Variants in NTM observed in about 807,000 individuals in gnomAD.
The protein encoded by NTM is neurotrimin.
In NTM, 13 loss-of-function variants were observed where a neutral mutation model predicts 42.1. The ratio of observed to expected loss-of-function variants is 0.31; its 90% CI spans 0.20 to 0.49. The LOEUF (loss-of-function observed/expected upper bound fraction) is 0.49, where lower values mean the gene tolerates loss of function less well. NTM is among the 20% of genes least tolerant of loss of function. The probability of loss-of-function intolerance (pLI) is 0.99; values close to 1 mark genes in which losing one functional copy is unlikely to be tolerated. For synonymous variants in NTM, 187 were observed against 179.2 expected (o/e 1.04, Z -0.35); for missense variants, 373 against 452.8 (o/e 0.82, Z 1.60).
intron 7 of NTM, among the ~76,000 whole-genome samples, chr11:132,316,665 C>A (rs1234710246): frequency 6.6e-6 from 1 of 152,120 alleles, no homozygotes; most frequent in Admixed American, 6.6e-5. Context: ...TTGTTAGCTT[C>A]AGTTGAGAGA....
intron 1 of NTM, among the ~76,000 whole-genome samples, chr11:131,758,074 G>A (rs1013144849): frequency 2.0e-5 from 3 of 152,194 alleles, no homozygotes; most frequent in Admixed American, 6.5e-5. Flanking sequence ...TCCGCTGAGA[G>A]CAAGTAGCCT....
intron 2 of NTM, among the ~76,000 whole-genome samples, chr11:132,083,494 A>G (rs775712143): frequency 4.4e-4 from 67 of 152,350 alleles, no homozygotes; most frequent in Non-Finnish European, 7.3e-4. Flanking sequence ...ATGGGTTTCT[A>G]TCCTCAAATA....
At chr11:131,626,447 A>G (rs1017342735) in intron 1 of NTM, among the ~76,000 whole-genome samples, 1 of 152,198 alleles carries the variant, frequency 6.6e-6, no homozygotes, top group African/African-American at 2.4e-5. Flanking sequence ...TGAAATACAT[A>G]GTAGTTGCTG....
chr11:132,049,462 G>C (rs2078536545), intron 2 of NTM, among the ~76,000 whole-genome samples: 1 of 152,194 alleles, frequency 6.6e-6, no homozygotes, highest in Non-Finnish European at 1.5e-5. Flanking sequence ...GCGGTTGTGA[G>C]GCTGAAGAGC....
At chr11:132,098,033 G>A (rs1450677284) in intron 2 of NTM, among the ~76,000 whole-genome samples, 1 of 152,196 alleles carries the variant, frequency 6.6e-6, no homozygotes, top group Non-Finnish European at 1.5e-5. Flanking sequence ...AACAGGTATT[G>A]TTATGAATAT....
intron 1 of NTM, among the ~76,000 whole-genome samples, chr11:131,424,955 T>C (rs561080196): frequency 1.0e-3 from 151 of 144,894 alleles, no homozygotes; most frequent in Non-Finnish European, 2.0e-3. Context: ...TCTTGGCTCA[T>C]TGAAACCTCC....
At position 131,432,062 on chromosome 11, in the gene NTM, G is replaced by A. The variant is rs1186874026; in HGVS notation, c.82+61174G>A. ...GGAGGTTTTGAACCTACCTAAAATG[G>A]AGGGAAGATTTAGCCCTCTGCATTT... On this transcript the variant is annotated intron_variant, in intron 1 of 8. Coordinates refer to ENST00000683400, the MANE Select transcript of NTM (RefSeq NM_001352005.2). 3.3e-5 allele frequency among the ~76,000 whole-genome samples: 5 copies of A among 152,186 alleles called. No individual in the cohort carries two copies. The South Asian group carries it at 8.3e-4, about 25-fold the overall frequency.
intron 1 of NTM, among the ~76,000 whole-genome samples, chr11:131,645,859 T>G (rs1175180090): frequency 6.6e-6 from 1 of 152,192 alleles, no homozygotes; most frequent in Non-Finnish European, 1.5e-5. Context: ...TGGGGTTGAA[T>G]CAAGATCCTA....
chr11:132,157,964 A>T (rs2073548793), intron 3 of NTM, among the ~76,000 whole-genome samples: 1 of 152,044 alleles, frequency 6.6e-6, no homozygotes. Context: ...GCCCTCTCCC[A>T]AGCTGCTGTT....
At chr11:131,392,688 C>G (rs569567275) in intron 1 of NTM, among the ~76,000 whole-genome samples, 1 of 152,188 alleles carries the variant, frequency 6.6e-6, no homozygotes, top group Non-Finnish European at 1.5e-5. Flanking sequence ...CCAGTCTGGA[C>G]GCCTGTTGCC....
intron 1 of NTM, among the ~76,000 whole-genome samples, chr11:131,717,188 C>A (rs1384221320): frequency 3.0e-4 from 45 of 152,106 alleles, no homozygotes; most frequent in Non-Finnish European, 1.0e-4. Context: ...CCAACATTTT[C>A]TTTTTCAAAA....
intron 4 of NTM, among the ~76,000 whole-genome samples, chr11:132,232,628 A>T (rs763964741): frequency 1.3e-5 from 2 of 152,222 alleles, no homozygotes; most frequent in Non-Finnish European, 2.9e-5. Flanking sequence ...AACCTTTGTT[A>T]CCTCATCTGT....
intron 1 of NTM, among the ~76,000 whole-genome samples, chr11:131,629,693 C>T (rs943800768): frequency 7.9e-5 from 12 of 152,120 alleles, no homozygotes; most frequent in Admixed American, 5.2e-4. Flanking sequence ...TATTTACATT[C>T]GGTTGGTGCA....
At chr11:131,801,483 A>G (rs2092103827) in intron 1 of NTM, among the ~76,000 whole-genome samples, 1 of 152,200 alleles carries the variant, frequency 6.6e-6, no homozygotes, top group Non-Finnish European at 1.5e-5. Context: ...TGTTCCGCTC[A>G]GCTTGGAGAC....
chr11:132,083,193 G>A (rs1196751766), intron 2 of NTM, among the ~76,000 whole-genome samples: 7 of 152,158 alleles, frequency 4.6e-5, no homozygotes, highest in Admixed American at 4.6e-4. Context: ...GAATGAGCAG[G>A]ATTAGTTTAA....
At chr11:131,760,912 A>G (rs1328274969) in intron 1 of NTM, among the ~76,000 whole-genome samples, 2 of 152,174 alleles carry the variant, frequency 1.3e-5, no homozygotes, top group Admixed American at 1.3e-4. Context: ...TGTGACAGTG[A>G]CGTCTTCCTT....
chr11:131,412,739 T>C (rs1312661682), intron 1 of NTM, among the ~76,000 whole-genome samples: 1 of 152,170 alleles, frequency 6.6e-6, no homozygotes, highest in Non-Finnish European at 1.5e-5. Context: ...ATCTACAAAG[T>C]GGTTTTTAAA....
chr11:131,496,718 G>A (rs2136329967), intron 1 of NTM, among the ~76,000 whole-genome samples: 1 of 152,344 alleles, frequency 6.6e-6, no homozygotes, highest in African/African-American at 2.4e-5. Context: ...AAAACCGTTA[G>A]TGCCTGACAT....
chr11:131,763,504 A>T (rs772426158), intron 1 of NTM, among the ~76,000 whole-genome samples: 19 of 152,164 alleles, frequency 1.2e-4, no homozygotes, highest in Non-Finnish European at 2.5e-4. Flanking sequence ...GCCACACATG[A>T]TAAGCTGTTC....
Sources: allele counts gnomAD v4.1 joint callset (sites outside exome capture counted in the v4.1 genomes callset), GRCh38; gene constraint gnomAD v4.1.1; transcripts MANE v1.5; gene names NCBI Gene and HGNC (gene_info 2026-07-23, HGNC 2026-07-21).